The following GCM1 variants were observed in gnomAD, a reference collection of about 807,000 sequenced individuals.
GCM1 encodes chorion-specific transcription factor GCMa.
In GCM1, 2 loss-of-function variants were observed where a neutral mutation model predicts 25.7. The observed-to-expected ratio is 0.08, with a 90% confidence interval of 0.03 to 0.24. The LOEUF (loss-of-function observed/expected upper bound fraction) is 0.24, where lower values mean the gene tolerates loss of function less well. Ranked by LOEUF, GCM1 falls within the 10% of genes least tolerant of loss-of-function variation. The pLI is 1.00. For synonymous variants in GCM1, 183 were observed against 195.7 expected, an observed-to-expected ratio of 0.94 and a Z score of 0.54; for missense variants, 395 against 538.7, an observed-to-expected ratio of 0.73 and a Z score of 2.64.
intron 4 of GCM1, 132 bp downstream of exon 4, chr6:53,131,875 G>C (rs1763731392): frequency 6.0e-6 from 4 of 670,870 alleles, no homozygotes. Context: ...AGAAGTGCAG[G>C]GGACAGATAC....
chr6:53,129,834 C>T (rs575131520), intron 5 of GCM1, among the ~76,000 whole-genome samples: 68 of 152,110 alleles, frequency 4.5e-4, no homozygotes, highest in African/African-American at 1.6e-3. Flanking sequence ...CTCTAGAACA[C>T]GAGTGGTACA....
intron 2 of GCM1, among the ~76,000 whole-genome samples, chr6:53,136,811 C>T (rs987834294): frequency 2.6e-5 from 4 of 152,044 alleles, no homozygotes; most frequent in African/African-American, 9.7e-5. Flanking sequence ...CCCGTCTCTA[C>T]TAAAAATACA....
At chr6:53,138,320 G>T (rs540949092) in intron 2 of GCM1, among the ~76,000 whole-genome samples, 5 of 148,610 alleles carry the variant, frequency 3.4e-5, no homozygotes, top group Non-Finnish European at 7.4e-5. Context: ...TTTGGACAAC[G>T]TATGGACTGA....
At chr6:53,141,876 C>A (rs979143538) in intron 2 of GCM1, among the ~76,000 whole-genome samples, 3 of 150,230 alleles carry the variant, frequency 2.0e-5, no homozygotes, top group Admixed American at 6.7e-5. Context: ...GTGGGGTGCA[C>A]GCCTGTAGTC....
At chr6:53,139,668 ACAT>A (rs981274854) in intron 2 of GCM1, among the ~76,000 whole-genome samples, 2 of 151,920 alleles carry the variant, frequency 1.3e-5, no homozygotes, top group Non-Finnish European at 2.9e-5. Flanking sequence ...GAGATCAAGA[ACAT>A]CCTGATCTTG....
chr6:53,145,589 C>T lies in GCM1; in HGVS notation c.44G>A (p.Ser15Asn). ...DFDSEDKEILSWDINDVKLPQ... is the reference protein window; with the variant it reads ...DFDSEDKEILNWDINDVKLPQ... Reference sequence around the variant, plus strand: ...CAGTTTCACATCATTAATATCCCAGCTTAATATCTCTTTGTCTTCAGAATC... The same window carrying T: ...CAGTTTCACATCATTAATATCCCAGTTTAATATCTCTTTGTCTTCAGAATC... The change falls in exon 2 of 6, where the codon AGC becomes AAC. Residue 15 changes from serine (S) to asparagine (N), a missense_variant. Physicochemically the swap from Ser to Asn is conservative, Grantham distance 46. Coordinates refer to ENST00000259803, the MANE Select transcript of GCM1 (RefSeq NM_003643.4). 6.3e-7 allele frequency: 1 copy of T among 1,599,074 alleles called. No homozygotes were observed. Among genetic ancestry groups the T allele is most frequent in the Non-Finnish European group, 8.6e-7 (1 of 1,166,442 alleles).
At chr6:53,141,410 G>A (rs953018721) in intron 2 of GCM1, among the ~76,000 whole-genome samples, 6 of 152,180 alleles carry the variant, frequency 3.9e-5, no homozygotes, top group East Asian at 1.9e-4. Context: ...TTGAAGGGCC[G>A]GGTGCGGTGG....
chr6:53,135,460 T>C (rs1485621899), intron 2 of GCM1, among the ~76,000 whole-genome samples: 1 of 152,228 alleles, frequency 6.6e-6, no homozygotes, highest in Middle Eastern at 3.2e-3. Flanking sequence ...TGATTATATA[T>C]ATTAAATACT....
rs1763686502 is a variant in GCM1, at chr6:53,128,872, A to G, written c.645T>C (p.Pro215=). 1 of 1,611,018 alleles carries G rather than the reference A, an allele frequency of 6.2e-7. No individual in the cohort carries two copies. The highest frequency in any genetic ancestry group is 1.3e-5 in the African/African-American group (1 of 74,974). ...TWSFQEGVQL[P]GSYSGHLIAN... ...CTATTAAATGTCCACTGTAACTACC[A>G]GGCAATTGGACGCCTTCCTGGAAAG... The change falls in exon 6 of 6, where the codon CCT becomes CCC. Residue 215 remains proline (P), a synonymous_variant. Transcript: ENST00000259803.
At chr6:53,129,019 T>C in intron 5 of GCM1, 73 bp from the exon 6 acceptor site, 1 of 1,199,796 alleles carries the variant, frequency 8.3e-7, no homozygotes, top group South Asian at 1.4e-5. Context: ...CACCCATGAG[T>C]TACTCTGTAC....
chr6:53,146,153 G>C (rs1186395492), intron 1 of GCM1, among the ~76,000 whole-genome samples: 1 of 149,738 alleles, frequency 6.7e-6, no homozygotes, highest in Non-Finnish European at 1.5e-5. Flanking sequence ...TGCAAGAGGG[G>C]AACATCACAC....
intron 2 of GCM1, among the ~76,000 whole-genome samples, chr6:53,143,362 C>T (rs1212044527): frequency 4.6e-5 from 7 of 152,118 alleles, no homozygotes; most frequent in African/African-American, 1.7e-4. Context: ...GGAAAGAGGT[C>T]TTCATCTCTT....
intron 1 of GCM1, among the ~76,000 whole-genome samples, chr6:53,146,288 C>T (rs1019012745): frequency 1.4e-5 from 2 of 142,750 alleles, no homozygotes; most frequent in Non-Finnish European, 3.0e-5. Context: ...GGAGTGATCT[C>T]GGCTTACTGC....
In GCM1 at chr6:53,128,785, C is replaced by A; in HGVS notation, c.732G>T (p.Leu244=). Residue 244 remains leucine (L), a synonymous_variant, in exon 6 of 6, where the codon CTG becomes CTT. Coordinates refer to ENST00000259803, the MANE Select transcript of GCM1 (RefSeq NM_003643.4). ...GGTCAGTCAGATCTGTGATTCCTCC[C>A]AGACCATAACTCTTGGAGAAGGAAA... The part of the protein sequence containing the change: ...DCFSFSKSYG[L]GGITDLTDQT... The A allele has an allele frequency of 1.2e-6, 2 of 1,612,928 alleles. No individual in the cohort carries two copies. Among genetic ancestry groups the A allele is most frequent in the South Asian group, 2.2e-5 (2 of 91,060 alleles).
intron 4 of GCM1, 93 bp from the exon 5 acceptor site, chr6:53,131,024 C>T: frequency 2.5e-6 from 3 of 1,207,990 alleles, no homozygotes; most frequent in Non-Finnish European, 2.4e-6. Flanking sequence ...GTGTGTCCTG[C>T]CCCGGGGGTG....
At position 53,131,950 on chromosome 6, in the gene GCM1, C is replaced by A. The variant is rs375107584; in HGVS notation, c.441+57G>T. 45 of 957,256 alleles carry A rather than the reference C, an allele frequency of 4.7e-5. No homozygotes were observed. The South Asian group carries it at 5.4e-4, about 12-fold the overall frequency. The allele number at this position is 957,256 out of a possible 1,614,324, so 59.3% of individuals were successfully genotyped here. On this transcript the variant is annotated intron_variant, in intron 4 of 5. Transcript: ENST00000259803. ...ATCTCATTCACAGGTGCATTTCTAG[C>A]CTCTGGTGAAACTCCTCAGTAATGA...
chr6:53,130,763 A>G, intron 5 of GCM1, 40 bp downstream of exon 5: 2 of 1,572,960 alleles, frequency 1.3e-6, no homozygotes, highest in East Asian at 4.5e-5. Context: ...CAGGCGTGGC[A>G]AGCTACTGCA....
At chr6:53,136,963 T>A (rs1220648421) in intron 2 of GCM1, among the ~76,000 whole-genome samples, 1 of 148,994 alleles carries the variant, frequency 6.7e-6, no homozygotes. Flanking sequence ...GCGACAAGAG[T>A]GAAACTCTGT....
intron 1 of GCM1, among the ~76,000 whole-genome samples, chr6:53,146,155 A>C (rs1463744374): frequency 6.6e-6 from 1 of 150,804 alleles, no homozygotes; most frequent in Non-Finnish European, 1.5e-5. Flanking sequence ...CAAGAGGGGA[A>C]CATCACACTG....
Sources: gnomAD v4.1 joint callset for allele counts (sites outside exome capture counted in the v4.1 genomes callset) on GRCh38, gnomAD v4.1.1 for gene constraint, MANE v1.5 for transcripts, NCBI Gene and HGNC (gene_info 2026-07-23, HGNC 2026-07-21) for gene names.